Variants in CENPL observed in about 807,000 individuals in gnomAD.
The protein encoded by CENPL is interphase centromere complex protein 33.
Under a neutral mutation model 35.2 loss-of-function variants are expected in CENPL, and 20 were observed. That is an observed-to-expected ratio of 0.57 (90% confidence interval 0.40 to 0.83). The LOEUF (loss-of-function observed/expected upper bound fraction) is 0.83, where lower values mean the gene tolerates loss of function less well. Ranked by LOEUF, CENPL falls within the 40% of genes least tolerant of loss-of-function variation. The probability of loss-of-function intolerance (pLI) is 0.00; values close to 1 mark genes in which losing one functional copy is unlikely to be tolerated. For missense variants in CENPL, 363 were observed against 395.8 expected (o/e 0.92, Z 0.70); for synonymous variants, 140 against 140.6 (o/e 1.00, Z 0.03).
chr1:173,807,367 A>G lies in CENPL; in HGVS notation c.320T>C (p.Leu107Pro). ...GAAGTCTTCTCCCACTTCCACAGCAAGTCCTTTTTGCTTTTCAGCAACAAT... is the reference window on the plus strand; with the variant it reads ...GAAGTCTTCTCCCACTTCCACAGCAGGTCCTTTTTGCTTTTCAGCAACAAT... ...AFIVAEKQKGLAVEVGEDFNI... is the reference protein window; with the variant it reads ...AFIVAEKQKGPAVEVGEDFNI... The change falls in exon 4 of 6, where the codon CTT (leucine) becomes CCT (proline). Residue 107 changes from leucine (L) to proline (P), a missense_variant. By Grantham distance (98) the Leu-to-Pro change is moderately conservative. Coordinates refer to ENST00000682279, the MANE Select transcript of CENPL (RefSeq NM_001387287.1). 1 of 1,613,854 alleles carries G rather than the reference A, an allele frequency of 6.2e-7. No homozygotes were observed. Among genetic ancestry groups the G allele is most frequent in the African/African-American group, 1.3e-5 (1 of 75,042 alleles).
In CENPL at chr1:173,822,225, T is replaced by C. The variant is rs564650170; in HGVS notation, c.-8+1701A>G. ...AAAGAAACTGTACTTTCGAAGATCA[T>C]TGTTTTTGCCAAAACCATGGCCAAA... is the stretch of plus-strand genomic sequence containing the variant. On this transcript the variant is annotated intron_variant, in intron 2 of 5. Coordinates refer to ENST00000682279, the MANE Select transcript of CENPL (RefSeq NM_001387287.1). The C allele has an allele frequency of 7.9e-5, 12 of 152,362 alleles. No homozygotes were observed. In the South Asian group the frequency reaches 1.4e-3, roughly 18 times the overall value. 9.4% of individuals were successfully genotyped at this position (152,362 alleles called of 1,614,324 possible). A position where few individuals can be genotyped will look rare whatever the true frequency, so the allele number is the denominator to read the frequency against.
At chr1:173,819,910 T>C (rs1651786969) in intron 2 of CENPL, among the ~76,000 whole-genome samples, 1 of 151,830 alleles carries the variant, frequency 6.6e-6, no homozygotes. Flanking sequence ...TGTTTCACCA[T>C]GTTGGCCAGG....
In CENPL at chr1:173,803,431, T is replaced by C. The variant is rs1571957012; in HGVS notation, c.495A>G (p.Val165=). The C allele has an allele frequency of 1.8e-5, 29 of 1,614,110 alleles. No individual in the cohort carries two copies. Among genetic ancestry groups the C allele is most frequent in the Non-Finnish European group, 2.5e-5 (29 of 1,179,980 alleles). Residue 165 remains valine, a synonymous_variant, in exon 5 of 6, where the codon GTA becomes GTG. Coordinates refer to ENST00000682279, the MANE Select transcript of CENPL (RefSeq NM_001387287.1). ...KVLWTGWFCC[V]FGDSLLETVS... is the part of the protein sequence containing the mutation. ...CAGTCTCCAGAAGACTGTCTCCAAA[T>C]ACACAGCAGAACCAGCCAGTCCACA...
chr1:173,810,152 C>A (rs537563673), intron 3 of CENPL, among the ~76,000 whole-genome samples: 3 of 152,268 alleles, frequency 2.0e-5, no homozygotes, highest in Middle Eastern at 3.4e-3. Flanking sequence ...AAATGTGGTA[C>A]ATATACACCA....
intron 2 of CENPL, among the ~76,000 whole-genome samples, chr1:173,816,827 G>C (rs1651427520): frequency 6.6e-6 from 1 of 152,170 alleles, no homozygotes; most frequent in African/African-American, 2.4e-5. Flanking sequence ...AGCCAAAATA[G>C]ACAAATGGGA....
At chr1:173,802,022 C>CA (rs58015799) in intron 5 of CENPL, among the ~76,000 whole-genome samples, 13,898 of 135,194 alleles carry the variant, frequency 0.1, 1,957 homozygotes, top group African/African-American at 0.32. Context: ...GATTCTGTCT[C>CA]AAAAAAAAAA....
intron 2 of CENPL, chr1:173,822,257 G>A (rs1301476633): frequency 6.6e-6 from 1 of 152,058 alleles, no homozygotes; most frequent in Non-Finnish European, 1.5e-5. Flanking sequence ...CAAATACTTT[G>A]TTCATCAAGT....
chr1:173,805,509 CAA>C (rs1409340810), intron 4 of CENPL, among the ~76,000 whole-genome samples: 35 of 78,156 alleles, frequency 4.5e-4, no homozygotes, highest in Admixed American at 2.9e-4. Flanking sequence ...GAAGCTGTCT[CAA>C]AAAAAAAAAA....
At chr1:173,813,183 C>T (rs1000214011) in intron 2 of CENPL, among the ~76,000 whole-genome samples, 5 of 152,114 alleles carry the variant, frequency 3.3e-5, no homozygotes, top group African/African-American at 1.2e-4. Flanking sequence ...TGTGAAAATA[C>T]CAAATGTACG....
chr1:173,816,424 C>T (rs1035862088), intron 2 of CENPL, among the ~76,000 whole-genome samples: 1 of 152,182 alleles, frequency 6.6e-6, no homozygotes, highest in Non-Finnish European at 1.5e-5. Context: ...TGCCACCTCG[C>T]TTTAAACTAT....
At chr1:173,807,669 C>G in intron 3 of CENPL, 151 bp from the exon 4 acceptor site, 1 of 568,094 alleles carries the variant, frequency 1.8e-6, no homozygotes, top group Non-Finnish European at 3.0e-6. Context: ...TTTGCAGATC[C>G]TTGAACAGAC....
At chr1:173,812,994 C>G (rs2102592839) in intron 2 of CENPL, among the ~76,000 whole-genome samples, 1 of 152,204 alleles carries the variant, frequency 6.6e-6, no homozygotes, top group Admixed American at 6.5e-5. Context: ...CCTGATGGAG[C>G]TGAAAACCAT....
Position 173,811,165 on chromosome 1 carries a change from A to C in CENPL, c.135T>G (p.Pro45=), listed in dbSNP as rs755847882. 2.5e-6 allele frequency: 4 copies of C among 1,613,516 alleles called. No homozygotes were observed. In the South Asian group the frequency reaches 3.3e-5, roughly 13 times the overall value. The stretch of plus-strand genomic sequence containing the variant: ...GCGAACACTGGGGAATTTTCCTTCG[A>C]GGTGGAGTCAGGATAAATGAACTCT... ...RKQSSFILTP[P]RRKIPQCSQL... is the part of the protein sequence containing the mutation. Residue 45 remains proline (P), a synonymous_variant, in exon 3 of 6, where the codon CCT becomes CCG. Coordinates refer to ENST00000682279, the MANE Select transcript of CENPL (RefSeq NM_001387287.1).
chr1:173,806,950 C>T (rs181941553), intron 4 of CENPL, among the ~76,000 whole-genome samples: 1 of 151,994 alleles, frequency 6.6e-6, no homozygotes, highest in East Asian at 1.9e-4. Context: ...TACAGAATTC[C>T]TAATGATATA....
chr1:173,806,747 T>C (rs1163694554), intron 4 of CENPL, among the ~76,000 whole-genome samples: 2 of 152,104 alleles, frequency 1.3e-5, no homozygotes, highest in Non-Finnish European at 2.9e-5. Flanking sequence ...GGTCTCAAAC[T>C]CCTAGGCTCA....
chr1:173,802,291 C>T (rs1015297900), intron 5 of CENPL, among the ~76,000 whole-genome samples: 31 of 152,056 alleles, frequency 2.0e-4, no homozygotes, highest in East Asian at 1.4e-3. Flanking sequence ...CTACAAGCTC[C>T]GCCTCTCGGG....
chr1:173,812,246 C>T (rs1299915879), intron 2 of CENPL, among the ~76,000 whole-genome samples: 1 of 152,280 alleles, frequency 6.6e-6, no homozygotes, highest in Non-Finnish European at 1.5e-5. Flanking sequence ...CAGGGCATAG[C>T]TGAACAAAAG....
At position 173,807,385 on chromosome 1, in the gene CENPL, G is replaced by C. The variant is rs768071600; in HGVS notation, c.302C>G (p.Ala101Gly). 6.2e-7 allele frequency: 1 copy of C among 1,613,300 alleles called. No individual in the cohort carries two copies. Among genetic ancestry groups the C allele is most frequent in the Admixed American group, 1.7e-5 (1 of 59,956 alleles). The stretch of plus-strand genomic sequence containing the variant: ...CACAGCAAGTCCTTTTTGCTTTTCA[G>C]CAACAATAAAAGCATTGAGAAGTCT... Reference protein sequence around the residue: ...YSRLLNAFIVAEKQKGLAVEV... With the variant: ...YSRLLNAFIVGEKQKGLAVEV... Residue 101 changes from alanine to glycine, a missense_variant, in exon 4 of 6, where the codon GCT becomes GGT. Transcript: ENST00000682279.
intron 5 of CENPL, among the ~76,000 whole-genome samples, chr1:173,801,595 T>C (rs1649755464): frequency 6.8e-6 from 1 of 147,196 alleles, no homozygotes; most frequent in Non-Finnish European, 1.5e-5. Context: ...CCAAGGCAAG[T>C]GGATCATTTG....
Sources: allele counts gnomAD v4.1 joint callset (sites outside exome capture counted in the v4.1 genomes callset), GRCh38; gene constraint gnomAD v4.1.1; transcripts MANE v1.5; gene names NCBI Gene and HGNC (gene_info 2026-07-23, HGNC 2026-07-21).